The following DLEC1 variants were observed in gnomAD, a reference collection of about 807,000 sequenced individuals.
DLEC1 encodes DLEC1 cilia and flagella associated protein.
Under a neutral mutation model 198.1 loss-of-function variants are expected in DLEC1, and 146 were observed. That is an observed-to-expected ratio of 0.74 (90% CI 0.64 to 0.85). The LOEUF is 0.85. Ranked by LOEUF, DLEC1 falls within the 40% of genes least tolerant of loss-of-function variation. The probability of loss-of-function intolerance (pLI) is 0.00; values close to 1 mark genes in which losing one functional copy is unlikely to be tolerated. For missense variants in DLEC1, 2,233 were observed against 2,220.0 expected (o/e 1.01, Z -0.12); for synonymous variants, 897 against 866.8 (o/e 1.03, Z -0.61).
Position 38,111,690 on chromosome 3 carries a change from C to T in DLEC1, c.3457C>T (p.Pro1153Ser), listed in dbSNP as rs1254626040. ...SKKTSLPNMP[P>S]ALLKTVRMQE... Reference sequence around the variant, plus strand: ...CCACTTGTAAAGTCCCAACATGCCTCCTGCCCTGCTAAAGACAGTGCGGAT... The same window carrying T: ...CCACTTGTAAAGTCCCAACATGCCTTCTGCCCTGCTAAAGACAGTGCGGAT... Residue 1153 changes from proline to serine, a missense_variant, in exon 24 of 37, where the codon CCT becomes TCT. Transcript: ENST00000308059. 8.1e-6 allele frequency: 13 copies of T among 1,613,450 alleles called. No homozygotes were observed. The highest frequency in any genetic ancestry group is 1.1e-5 in the Non-Finnish European group (13 of 1,179,720).
chr3:38,086,185 G>A (rs983092509), intron 8 of DLEC1, 56 bp from the exon 9 acceptor site: 3 of 1,554,438 alleles, frequency 1.9e-6, no homozygotes, highest in South Asian at 1.3e-5. Context: ...CATGACAGTA[G>A]GGCCTATTAA....
chr3:38,068,561 G>T (rs565299999), intron 6 of DLEC1, among the ~76,000 whole-genome samples: 6 of 152,358 alleles, frequency 3.9e-5, no homozygotes, highest in Non-Finnish European at 7.3e-5. Context: ...CAGTGTCAAA[G>T]AACTTATGGA....
chr3:38,065,163 C>T (rs1696948743), intron 6 of DLEC1, among the ~76,000 whole-genome samples: 1 of 152,242 alleles, frequency 6.6e-6, no homozygotes, highest in African/African-American at 2.4e-5. Flanking sequence ...ACAGCGAAAC[C>T]CCGTCTCCAC....
chr3:38,078,867 T>C (rs183181429), intron 6 of DLEC1, among the ~76,000 whole-genome samples: 9,509 of 152,236 alleles, frequency 0.062, 373 homozygotes, highest in Middle Eastern at 0.12. Context: ...TGATAAGGCA[T>C]AGATCCTGAA....
chr3:38,041,574 C>A (rs1700653758), intron 1 of DLEC1, among the ~76,000 whole-genome samples: 1 of 151,932 alleles, frequency 6.6e-6, no homozygotes, highest in Admixed American at 6.5e-5. Context: ...TGCGGCCGGG[C>A]GTGGTGGCTC....
chr3:38,120,833 G>A (rs1044891651), intron 34 of DLEC1, among the ~76,000 whole-genome samples: 7 of 152,224 alleles, frequency 4.6e-5, no homozygotes, highest in African/African-American at 1.7e-4. Context: ...GGGCCAGAGT[G>A]TGGGAAATCA....
At position 38,053,833 on chromosome 3, in the gene DLEC1, A is replaced by G. The variant is rs1323746887; in HGVS notation, c.563-5909A>G. ...GAAAGAAGTAGACATAGGAGACTCC[A>G]TTTTGTTCTGTACTAAGAAAAATTC... On this transcript the variant is annotated intron_variant, in intron 2 of 36. Transcript: ENST00000308059. Among the ~76,000 whole-genome samples the G allele has an allele frequency of 2.0e-5, 3 of 152,210 alleles. No homozygotes were observed. The South Asian group carries it at 6.2e-4, about 32-fold the overall frequency.
chr3:38,071,395 G>T (rs1313434736), intron 6 of DLEC1, among the ~76,000 whole-genome samples: 2 of 152,232 alleles, frequency 1.3e-5, no homozygotes, highest in Non-Finnish European at 2.9e-5. Context: ...GAAATGAGAG[G>T]TTCTAAGAGA....
At chr3:38,054,966 C>T (rs996589440) in intron 2 of DLEC1, among the ~76,000 whole-genome samples, 3 of 152,164 alleles carry the variant, frequency 2.0e-5, no homozygotes, top group African/African-American at 7.2e-5. Context: ...CAGCCTGAAC[C>T]AGGAGCCACA....
chr3:38,068,031 G>C (rs142214440), intron 6 of DLEC1, among the ~76,000 whole-genome samples: 1 of 152,180 alleles, frequency 6.6e-6, no homozygotes, highest in East Asian at 1.9e-4. Context: ...TGGGATTACA[G>C]GCGTGAGCCA....
In DLEC1 at chr3:38,112,555, C is replaced by CAG. The variant is rs1453606780; in HGVS notation, c.3666+195_3666+196dup. ...GGGGTTCTGGCTGAGGCATTTCAGG[C>CAG]AGGAGGGGTCCTCATAAGCAGTAGA... On this transcript the variant is annotated intron_variant, in intron 25 of 36. Coordinates refer to ENST00000308059, the MANE Select transcript of DLEC1 (RefSeq NM_007335.4). The surrounding 1 kb of genome is among the most constrained non-coding windows in gnomAD (Gnocchi z 4.8). Among the ~76,000 whole-genome samples the CAG allele has an allele frequency of 6.6e-6, 1 of 152,206 alleles. No homozygotes were observed. Among genetic ancestry groups the CAG allele is most frequent in the East Asian group, 1.9e-4 (1 of 5,200 alleles).
At position 38,122,513 on chromosome 3, in the gene DLEC1, TG is replaced by T; in HGVS notation, c.*105del. ...GCACAAAGACACAGACTTGGGGACCTGGGGACCTCTGGGCAGCTCCTGGAAT... is the reference window on the plus strand; with the variant it reads ...GCACAAAGACACAGACTTGGGGACCTGGGACCTCTGGGCAGCTCCTGGAAT... On this transcript the variant is annotated 3_prime_UTR_variant, in exon 37 of 37. Coordinates refer to ENST00000308059, the MANE Select transcript of DLEC1 (RefSeq NM_007335.4). 1.2e-6 allele frequency: 2 copies of T among 1,612,154 alleles called. No individual in the cohort carries two copies. The highest frequency in any genetic ancestry group is 4.5e-5 in the East Asian group (2 of 44,858).
intron 7 of DLEC1, 73 bp downstream of exon 7, chr3:38,084,318 G>T: frequency 4.4e-6 from 6 of 1,368,760 alleles, no homozygotes; most frequent in Non-Finnish European, 6.2e-6. Context: ...AATAGTAGTA[G>T]TGGTGGTAGT....
Position 38,107,754 on chromosome 3 carries a change from C to T in DLEC1, c.3018+17C>T. The stretch of plus-strand genomic sequence containing the variant: ...TGGGGCAAGGTGAGTGAGCCCACAG[C>T]ATCAGGCAGCAGTCTGCAGCCCTCA... On this transcript the variant is annotated intron_variant, in intron 20 of 36. Coordinates refer to ENST00000308059, the MANE Select transcript of DLEC1 (RefSeq NM_007335.4). The T allele has an allele frequency of 6.2e-7, 1 of 1,611,586 alleles. No individual in the cohort carries two copies. Among genetic ancestry groups the T allele is most frequent in the African/African-American group, 1.3e-5 (1 of 75,004 alleles).
At chr3:38,084,582 G>T (rs371384598) in intron 7 of DLEC1, among the ~76,000 whole-genome samples, 59 of 2,814 alleles carry the variant, frequency 0.021, 1 homozygote, top group Non-Finnish European at 0.044. Context: ...AGTAGTGGGG[G>T]GGTGGTAGTA....
Position 38,097,221 on chromosome 3 carries a change from G to A in DLEC1, c.2380G>A (p.Gly794Arg), listed in dbSNP as rs764628658. ...CAAGTCACCCATCAGATACCTGTGG[G>A]GGAAGATCAGCGACTGCCACATCAT... ...NSKSPIRYLW[G>R]KISDCHIIEV... The change falls in exon 16 of 37, where the codon GGG becomes AGG. Residue 794 changes from glycine (G) to arginine (R), a missense_variant. Gly to Arg is a moderately radical substitution (Grantham distance 125). Transcript: ENST00000308059. The A allele has an allele frequency of 3.8e-6, 6 of 1,587,428 alleles. No individual in the cohort carries two copies. The South Asian group carries it at 6.9e-5, about 18-fold the overall frequency.
chr3:38,044,124 G>C (rs924388238), intron 1 of DLEC1, among the ~76,000 whole-genome samples: 1 of 152,082 alleles, frequency 6.6e-6, no homozygotes, highest in African/African-American at 2.4e-5. Flanking sequence ...GTGTATGCCT[G>C]TAATCCCAGC....
intron 34 of DLEC1, among the ~76,000 whole-genome samples, chr3:38,121,414 G>C (rs1283450168): frequency 1.3e-5 from 2 of 152,198 alleles, no homozygotes; most frequent in Admixed American, 6.5e-5. Flanking sequence ...AGGGACAGCG[G>C]GGGAATGGAT....
chr3:38,053,052 G>A (rs376035001), intron 2 of DLEC1, among the ~76,000 whole-genome samples: 110 of 148,070 alleles, frequency 7.4e-4, no homozygotes, highest in Non-Finnish European at 1.3e-3. Context: ...TCGGCCTCTC[G>A]AGGTGCCGGG....
Sources: gnomAD v4.1 joint callset for allele counts (sites outside exome capture counted in the v4.1 genomes callset) on GRCh38, gnomAD v4.1.1 for gene constraint, Gnocchi (gnomAD v3.1) non-coding constraint, MANE v1.5 for transcripts, NCBI Gene and HGNC (gene_info 2026-07-23, HGNC 2026-07-21) for gene names.